TASP1: variants seen among roughly 807,000 people sequenced by gnomAD.
TASP1 encodes taspase 1.
A neutral mutation model predicts 56.6 loss-of-function variants in TASP1; 16 were observed. The observed-to-expected ratio is 0.28, with a 90% CI of 0.19 to 0.43. TASP1 has a LOEUF of 0.43. TASP1 is among the 20% of genes least tolerant of loss of function. The pLI is 1.00. For synonymous variants in TASP1, 179 were observed against 184.2 expected, an observed-to-expected ratio of 0.97 and a Z score of 0.23; for missense variants, 393 against 511.6, an observed-to-expected ratio of 0.77 and a Z score of 2.24.
At chr20:13,468,194 T>C (rs1377482566) in intron 11 of TASP1, among the ~76,000 whole-genome samples, 1 of 110,966 alleles carries the variant, frequency 9.0e-6, no homozygotes, top group African/African-American at 3.2e-5. Context: ...CTAGAAATCT[T>C]GCTACTTAAA....
At chr20:13,402,934 CCTT>C (rs1268299461) in intron 13 of TASP1, among the ~76,000 whole-genome samples, 3 of 152,144 alleles carry the variant, frequency 2.0e-5, no homozygotes, top group Non-Finnish European at 4.4e-5. Flanking sequence ...GAATATTCTC[CCTT>C]CTTCTTTCAA....
At chr20:13,279,317 C>T in the TASP1 span, among the ~76,000 whole-genome samples, 1 of 152,170 alleles carries the variant, frequency 6.6e-6, no homozygotes, top group Non-Finnish European at 1.5e-5. Flanking sequence ...TCTCCAGGCT[C>T]AGCCCTACTC....
the TASP1 span, among the ~76,000 whole-genome samples, chr20:13,357,610 C>A: frequency 1.3e-5 from 2 of 152,060 alleles, no homozygotes; most frequent in East Asian, 3.8e-4. Context: ...CTTATATACA[C>A]GTAAAATACC....
At chr20:13,174,546 A>G in the TASP1 span, among the ~76,000 whole-genome samples, 2 of 152,058 alleles carry the variant, frequency 1.3e-5, no homozygotes, top group Non-Finnish European at 2.9e-5. Context: ...AAAAATTTAA[A>G]AAATTAGCCA....
At chr20:13,483,992 G>A (rs2043232321) in intron 10 of TASP1, among the ~76,000 whole-genome samples, 1 of 152,050 alleles carries the variant, frequency 6.6e-6, no homozygotes, top group Non-Finnish European at 1.5e-5. Flanking sequence ...TCAAAAAGTG[G>A]GCAAAGGATA....
the TASP1 span, among the ~76,000 whole-genome samples, chr20:13,134,763 CA>C: frequency 1.4e-5 from 2 of 144,934 alleles, no homozygotes; most frequent in Non-Finnish European, 3.0e-5. Flanking sequence ...AAGGACCTAG[CA>C]AAAAAAAAGA....
At chr20:13,388,620 T>A (rs2041181426), downstream of TASP1, among the ~76,000 whole-genome samples, 2 of 152,156 alleles carry the variant, frequency 1.3e-5, no homozygotes, top group Admixed American at 1.3e-4. Flanking sequence ...CCTGATAGTT[T>A]TATGTGATCC....
At chr20:13,215,986 T>C in the TASP1 span, among the ~76,000 whole-genome samples, 1 of 152,222 alleles carries the variant, frequency 6.6e-6, no homozygotes, top group African/African-American at 2.4e-5. Context: ...CTTCAGGCTT[T>C]CTGTTCGTTT....
At chr20:13,489,544 A>C (rs2043447678) in intron 10 of TASP1, among the ~76,000 whole-genome samples, 1 of 152,122 alleles carries the variant, frequency 6.6e-6, no homozygotes, top group Non-Finnish European at 1.5e-5. Flanking sequence ...AAAAGAAAAG[A>C]AAAAAGAAAG....
At chr20:13,234,418 A>C in the TASP1 span, among the ~76,000 whole-genome samples, 1 of 152,156 alleles carries the variant, frequency 6.6e-6, no homozygotes, top group African/African-American at 2.4e-5. Flanking sequence ...TAAACAGATG[A>C]GTGCGGGTAT....
chr20:13,318,767 C>G, the TASP1 span, among the ~76,000 whole-genome samples: 1 of 152,226 alleles, frequency 6.6e-6, no homozygotes, highest in South Asian at 2.1e-4. Context: ...GTTAAAGAAG[C>G]CAATCTAAAG....
chr20:13,336,670 T>C, the TASP1 span, among the ~76,000 whole-genome samples: 1 of 152,200 alleles, frequency 6.6e-6, no homozygotes, highest in African/African-American at 2.4e-5. Context: ...AAAAAGACTT[T>C]TAAGTATTTA....
the TASP1 span, among the ~76,000 whole-genome samples, chr20:13,135,794 A>G: frequency 6.6e-6 from 1 of 152,254 alleles, no homozygotes. Flanking sequence ...AATTTCACCA[A>G]AATGGCTATA....
intron 10 of TASP1, among the ~76,000 whole-genome samples, chr20:13,515,238 T>G (rs192681214): frequency 1.3e-4 from 20 of 152,196 alleles, no homozygotes; most frequent in African/African-American, 4.6e-4. Context: ...CTAGACCAAA[T>G]GGTCGGTTGT....
the TASP1 span, chr20:13,167,705 T>C: frequency 1.7e-4 from 26 of 152,314 alleles, no homozygotes; most frequent in Admixed American, 3.3e-4. Flanking sequence ...CAGCATGCTT[T>C]GATTTTACAG....
the TASP1 span, among the ~76,000 whole-genome samples, chr20:13,112,079 C>A: frequency 1.3e-4 from 20 of 152,230 alleles, no homozygotes; most frequent in African/African-American, 4.1e-4. Flanking sequence ...TGCCATGTAA[C>A]AAACCACCCA....
chr20:13,386,791 G>C (rs1425230792), downstream of TASP1, among the ~76,000 whole-genome samples: 1 of 151,992 alleles, frequency 6.6e-6, no homozygotes, highest in Non-Finnish European at 1.5e-5. Flanking sequence ...CTAGCATCTA[G>C]GACTTATTTA....
chr20:13,246,348 C>G, the TASP1 span, among the ~76,000 whole-genome samples: 1 of 151,814 alleles, frequency 6.6e-6, no homozygotes, highest in Non-Finnish European at 1.5e-5. Flanking sequence ...CAGCATGGTT[C>G]ATCCACTGAG....
chr20:13,380,118 G>T, the TASP1 span, among the ~76,000 whole-genome samples: 3 of 152,228 alleles, frequency 2.0e-5, no homozygotes, highest in African/African-American at 7.2e-5. Flanking sequence ...TCCCTTGCTG[G>T]TAAGGAGTTG....
Sources: gnomAD v4.1 joint callset for allele counts (sites outside exome capture counted in the v4.1 genomes callset) on GRCh38, gnomAD v4.1.1 for gene constraint, MANE v1.5 for transcripts, NCBI Gene and HGNC (gene_info 2026-07-23, HGNC 2026-07-21) for gene names.